Variants in CA14 observed in about 807,000 individuals in gnomAD.
The protein encoded by CA14 is carbonic anhydrase 14, also known as CA-XIV.
CA14 carries 44 observed loss-of-function variants against 48.8 expected under a neutral mutation model. That is an observed-to-expected ratio of 0.90 (90% CI 0.71 to 1.16). CA14 has a LOEUF of 1.16. Ranked by LOEUF, CA14 falls within the 50% of genes most tolerant of loss-of-function variation. CA14 has a pLI of 0.00. For synonymous variants in CA14, 154 were observed against 155.0 expected (o/e 0.99, Z 0.05); for missense variants, 386 against 401.0 (o/e 0.96, Z 0.32).
Position 150,264,702 on chromosome 1 carries a change from G to A in CA14, c.*43G>A, listed in dbSNP as rs1651508662. ...ATGGATGTGGATGACTTCCCTTCAT[G>A]CCTATCAGGAAGCCTCTAAAATGGG... is the stretch of plus-strand genomic sequence containing the variant. On this transcript the variant is annotated 3_prime_UTR_variant, in exon 11 of 11. Coordinates refer to ENST00000369111, the MANE Select transcript of CA14 (RefSeq NM_012113.3). 6.5e-7 allele frequency: 1 copy of A among 1,532,216 alleles called. No individual in the cohort carries two copies. Among genetic ancestry groups the A allele is most frequent in the East Asian group, 2.3e-5 (1 of 44,334 alleles). The allele number at this position is 1,532,216 out of a possible 1,614,324, so 94.9% of individuals were successfully genotyped here. A position where few individuals can be genotyped will look rare whatever the true frequency, so the allele number is the denominator to read the frequency against.
chr1:150,264,783 C>A lies in CA14; in HGVS notation c.*124C>A. Reference sequence around the variant, plus strand: ...GTAGTAAGCAGATGTCCTCCTTCCCCTGGACATCTCCTAGAGAGGAATGGA... The same window carrying A: ...GTAGTAAGCAGATGTCCTCCTTCCCATGGACATCTCCTAGAGAGGAATGGA... On this transcript the variant is annotated 3_prime_UTR_variant, in exon 11 of 11. Coordinates refer to ENST00000369111, the MANE Select transcript of CA14 (RefSeq NM_012113.3). 1 of 627,072 alleles carries A rather than the reference C, an allele frequency of 1.6e-6. No homozygotes were observed. Among genetic ancestry groups the A allele is most frequent in the Non-Finnish European group, 2.7e-6 (1 of 366,214 alleles). The allele number at this position is 627,072 out of a possible 1,614,324, so 38.8% of individuals were successfully genotyped here.
chr1:150,258,006 A>G lies in CA14; in HGVS notation c.-123A>G, dbSNP rs587598273. On this transcript the variant is annotated 5_prime_UTR_variant, in exon 1 of 11. Coordinates refer to ENST00000369111, the MANE Select transcript of CA14 (RefSeq NM_012113.3). ...CAGCAAGAGAAGCAGAGATAAATAC[A>G]CTCACGCCAGGAGCTCGCTCGCTCT... The G allele has an allele frequency of 5.1e-6, 3 of 586,974 alleles. No homozygotes were observed. The highest frequency in any genetic ancestry group is 3.2e-5 in the Admixed American group (1 of 31,336). 36.4% of individuals were successfully genotyped at this position (586,974 alleles called of 1,614,324 possible).
At chr1:150,260,789 TTGCTCTGTCACCCAGGCTGGAGTGCAG>T (rs1482546326) in intron 2 of CA14, 5 of 129,712 alleles carry the variant, frequency 3.9e-5, no homozygotes, top group African/African-American at 1.5e-4. Context: ...ACACAGAGTC[TTGCTCTGTCACCCAGGCTGGAGTGCAG>T]TGGCGCAATC....
intron 2 of CA14, chr1:150,261,195 A>G (rs1651001328): frequency 4.1e-6 from 2 of 489,054 alleles, no homozygotes; most frequent in African/African-American, 1.9e-5. Flanking sequence ...TAAGTAAAAG[A>G]GCTACCACTC....
At position 150,263,147 on chromosome 1, in the gene CA14, A is replaced by G. The variant is rs374781042; in HGVS notation, c.668A>G (p.Gln223Arg). 4 of 1,614,038 alleles carry G rather than the reference A, an allele frequency of 2.5e-6. No homozygotes were observed. The African/African-American group carries it at 4.0e-5, about 16-fold the overall frequency. ...TCGCTCACAACTCCCCCTTGCTACC[A>G]GAGTGTGCTCTGGACAGTTTTTTAT... ...NGSLTTPPCY[Q>R]SVLWTVFYRR... Residue 223 changes from glutamine to arginine, a missense_variant, in exon 7 of 11, where the codon CAG becomes CGG. Physicochemically the swap from Gln to Arg is conservative, Grantham distance 43 (BLOSUM62 1). Coordinates refer to ENST00000369111, the MANE Select transcript of CA14 (RefSeq NM_012113.3).
chr1:150,262,481 G>T (rs782442845), intron 4 of CA14, 44 bp from the exon 5 acceptor site: 2 of 1,538,808 alleles, frequency 1.3e-6, no homozygotes, highest in Non-Finnish European at 1.8e-6. Context: ...GCCTTGAAGG[G>T]GGTGCAGACA....
At position 150,263,584 on chromosome 1, in the gene CA14, C is replaced by T. The variant is rs1278413755; in HGVS notation, c.842-75C>T. The T allele has an allele frequency of 1.2e-5, 20 of 1,612,294 alleles. No individual in the cohort carries two copies. In the African/African-American group the frequency reaches 2.5e-4, roughly 20 times the overall value. ...GGTGCCCCCGGGGGATTCTCCCAGGCACAGCAGCAGAGAGTGCTGCTCCCA... is the reference window on the plus strand; with the variant it reads ...GGTGCCCCCGGGGGATTCTCCCAGGTACAGCAGCAGAGAGTGCTGCTCCCA... On this transcript the variant is annotated intron_variant, in intron 8 of 10. Coordinates refer to ENST00000369111, the MANE Select transcript of CA14 (RefSeq NM_012113.3).
At chr1:150,258,506 C>G (rs1364221570) in intron 1 of CA14, among the ~76,000 whole-genome samples, 1 of 152,094 alleles carries the variant, frequency 6.6e-6, no homozygotes, top group Non-Finnish European at 1.5e-5. Flanking sequence ...AGGCAGGACT[C>G]CTGGACTTCT....
At chr1:150,261,272 G>A in intron 2 of CA14, 187 bp from the exon 3 acceptor site, 1 of 586,900 alleles carries the variant, frequency 1.7e-6, no homozygotes, top group South Asian at 2.1e-5. Context: ...TGCAGCATGA[G>A]ACTCAACAGG....
At position 150,258,056 on chromosome 1, in the gene CA14, T is replaced by C; in HGVS notation, c.-73T>C. On this transcript the variant is annotated 5_prime_UTR_variant, in exon 1 of 11. Transcript: ENST00000369111. ...TCTCTCTCTCTCTCTCACTCCTCCC[T>C]CCCTCTCTCTCTGCCTGTCCTAGTC... The C allele has an allele frequency of 9.4e-7, 1 of 1,060,058 alleles. No individual in the cohort carries two copies. Among genetic ancestry groups the C allele is most frequent in the Non-Finnish European group, 1.4e-6 (1 of 720,650 alleles). 65.7% of individuals were successfully genotyped at this position (1,060,058 alleles called of 1,614,324 possible). A position where few individuals can be genotyped will look rare whatever the true frequency, so the allele number is the denominator to read the frequency against.
Position 150,263,334 on chromosome 1 carries a change from A to G in CA14, c.756A>G (p.Glu252=). The change falls in exon 8 of 11, where the codon GAA becomes GAG. Residue 252 remains glutamate, a synonymous_variant. Transcript: ENST00000369111. The stretch of plus-strand genomic sequence containing the variant: ...TTCAGGGGACATTGTTCTCCACAGA[A>G]GAGGAGCCCTCTAAGCTTCTGGTAC... ...EKLQGTLFST[E]EEPSKLLVQN... The G allele has an allele frequency of 6.2e-7, 1 of 1,614,198 alleles. No homozygotes were observed.
chr1:150,259,551 G>C (rs1448116657), intron 1 of CA14, among the ~76,000 whole-genome samples: 2 of 152,108 alleles, frequency 1.3e-5, no homozygotes. Context: ...CAGAATGTAG[G>C]GAGCAGAGCC....
intron 2 of CA14, 47 bp from the exon 3 acceptor site, chr1:150,261,412 A>G (rs1417172633): frequency 8.4e-6 from 13 of 1,553,008 alleles, no homozygotes; most frequent in Non-Finnish European, 1.2e-5. Context: ...GTTGAAGGGT[A>G]GCTAGAGCTG....
chr1:150,259,431 C>T lies in CA14; in HGVS notation c.56-720C>T, dbSNP rs149210157. ...CCAGCTGGCAGCTCTCTTCTCTACA[C>T]ACAATGCTTCACTTTCATCCTGTCC... is the stretch of plus-strand genomic sequence containing the variant. On this transcript the variant is annotated intron_variant, in intron 1 of 10. Coordinates refer to ENST00000369111, the MANE Select transcript of CA14 (RefSeq NM_012113.3). 1.8e-3 allele frequency among the ~76,000 whole-genome samples: 278 copies of T among 152,224 alleles called. 1 individual carries two copies. Among genetic ancestry groups the T allele is most frequent in the Middle Eastern group, 0.014 (4 of 294 alleles).
At chr1:150,260,202 CTTT>C (rs1553847496) in intron 2 of CA14, 31 bp downstream of exon 2, 4 of 1,611,554 alleles carry the variant, frequency 2.5e-6, no homozygotes, top group Non-Finnish European at 3.4e-6. Flanking sequence ...CCCGACAACC[CTTT>C]CACACTGGGA....
rs1450531201 is a variant in CA14 at position 150,258,017 on chromosome 1, G to T, written c.-112G>T. On this transcript the variant is annotated 5_prime_UTR_variant, in exon 1 of 11. Coordinates refer to ENST00000369111, the MANE Select transcript of CA14 (RefSeq NM_012113.3). ...GCAGAGATAAATACACTCACGCCAG[G>T]AGCTCGCTCGCTCTCTCTCTCTCTC... 1.5e-5 allele frequency: 10 copies of T among 670,992 alleles called. No homozygotes were observed. The highest frequency in any genetic ancestry group is 8.8e-4 in the Middle Eastern group (2 of 2,266). The allele number at this position is 670,992 out of a possible 1,614,324, so 41.6% of individuals were successfully genotyped here. A position where few individuals can be genotyped will look rare whatever the true frequency, so the allele number is the denominator to read the frequency against.
intron 3 of CA14, among the ~76,000 whole-genome samples, 196 bp from the exon 4 acceptor site, chr1:150,261,962 G>C (rs1651075616): frequency 1.3e-5 from 2 of 152,168 alleles, no homozygotes; most frequent in Admixed American, 6.5e-5. Flanking sequence ...TCAGTAGGTA[G>C]GTATCATTGC....
At position 150,258,049 on chromosome 1, in the gene CA14, T is replaced by C; in HGVS notation, c.-80T>C. The C allele has an allele frequency of 1.0e-6, 1 of 983,978 alleles. No individual in the cohort carries two copies. Among genetic ancestry groups the C allele is most frequent in the South Asian group, 1.7e-5 (1 of 60,078 alleles). The allele number at this position is 983,978 out of a possible 1,614,324, so 61.0% of individuals were successfully genotyped here. ...CTCGCTCTCTCTCTCTCTCTCTCAC[T>C]CCTCCCTCCCTCTCTCTCTGCCTGT... On this transcript the variant is annotated 5_prime_UTR_variant, in exon 1 of 11. Transcript: ENST00000369111.
rs1651361699 is a variant in CA14 at position 150,263,885 on chromosome 1, C to T, written c.947+7C>T. ...TCATTGCTAGAAAGATTCGGTGAGG[C>T]CCTACTTTCCATTCCTCCAGTCCCT... is the stretch of plus-strand genomic sequence containing the variant. On this transcript the variant is annotated splice_region_variant and intron_variant, in intron 10 of 10. Transcript: ENST00000369111. The T allele has an allele frequency of 6.3e-7, 1 of 1,597,850 alleles. No individual in the cohort carries two copies. The highest frequency in any genetic ancestry group is 8.6e-7 in the Non-Finnish European group (1 of 1,167,008).
Sources: gnomAD v4.1 joint callset for allele counts (sites outside exome capture counted in the v4.1 genomes callset) on GRCh38, gnomAD v4.1.1 for gene constraint, MANE v1.5 for transcripts, NCBI Gene and HGNC (gene_info 2026-07-23, HGNC 2026-07-21) for gene names.